The following CCNY variants were observed in gnomAD, a reference collection of about 807,000 sequenced individuals.
CCNY encodes cyclin Y.
CCNY carries 19 observed loss-of-function variants against 42.8 expected under a neutral mutation model. That is an observed-to-expected ratio of 0.44 (90% confidence interval 0.31 to 0.65). The LOEUF (loss-of-function observed/expected upper bound fraction) is 0.65, where lower values mean the gene tolerates loss of function less well. Ranked by LOEUF, CCNY falls within the 30% of genes least tolerant of loss-of-function variation. The probability of loss-of-function intolerance (pLI) is 0.07; values close to 1 mark genes in which losing one functional copy is unlikely to be tolerated. For missense variants in CCNY, 370 were observed against 437.3 expected (o/e 0.85, Z 1.37); for synonymous variants, 165 against 162.7 (o/e 1.01, Z -0.11).
chr10:35,420,932 T>G (rs1007230646), intron 1 of CCNY, among the ~76,000 whole-genome samples: 4 of 152,250 alleles, frequency 2.6e-5, no homozygotes, highest in African/African-American at 9.6e-5. Flanking sequence ...TGATTCAGAA[T>G]CATACCCTGC....
intron 3 of CCNY, among the ~76,000 whole-genome samples, chr10:35,515,442 C>G (rs563130346): frequency 6.6e-6 from 1 of 152,216 alleles, no homozygotes; most frequent in African/African-American, 2.4e-5. Context: ...CTGAGGAAAC[C>G]TTATTAAATG....
chr10:35,266,805 C>T (rs962791168), intron 3 of CCNY, among the ~76,000 whole-genome samples: 6 of 152,086 alleles, frequency 3.9e-5, no homozygotes, highest in African/African-American at 9.6e-5. Flanking sequence ...CTACTGTCGC[C>T]GGGTGCGGTG....
intron 1 of CCNY, among the ~76,000 whole-genome samples, chr10:35,419,888 C>G (rs1045890460): frequency 1.4e-5 from 2 of 148,002 alleles, no homozygotes; most frequent in African/African-American, 5.0e-5. Context: ...TCTAGGCAAA[C>G]TTTATAATTA....
intron 1 of CCNY, among the ~76,000 whole-genome samples, chr10:35,374,258 A>G (rs1201165428): frequency 6.6e-6 from 1 of 152,186 alleles, no homozygotes; most frequent in East Asian, 1.9e-4. Context: ...GAATGATACC[A>G]TGGGGTTAAT....
At chr10:35,310,418 GAT>G (rs1280659777) in intron 3 of CCNY, among the ~76,000 whole-genome samples, 1 of 152,104 alleles carries the variant, frequency 6.6e-6, no homozygotes, top group Non-Finnish European at 1.5e-5. Context: ...CTTTCTTTTG[GAT>G]ATATACTAGC....
intron 1 of CCNY, among the ~76,000 whole-genome samples, chr10:35,451,061 A>T (rs972598065): frequency 1.3e-5 from 2 of 152,246 alleles, no homozygotes; most frequent in Non-Finnish European, 2.9e-5. Context: ...TACCTTTAAA[A>T]CAAATACATT....
rs555333866 is a variant in CCNY at position 35,258,453 on chromosome 10, G to T, written c.-9+7827G>T. 3.3e-4 allele frequency among the ~76,000 whole-genome samples: 51 copies of T among 152,302 alleles called. No individual in the cohort carries two copies. In the East Asian group the frequency reaches 9.1e-3, roughly 27 times the overall value. ...AAGAAAAAATGAAGGTGGGGGAAGAGTGCTGGCCCTTCATTTCCAGAGGAG... is the reference window on the plus strand; with the variant it reads ...AAGAAAAAATGAAGGTGGGGGAAGATTGCTGGCCCTTCATTTCCAGAGGAG... On this transcript the variant is annotated intron_variant, in intron 3 of 11. Coordinates refer to the CCNY transcript ENST00000374706.
chr10:35,272,293 T>A (rs541415953), intron 3 of CCNY, among the ~76,000 whole-genome samples: 1 of 152,266 alleles, frequency 6.6e-6, no homozygotes, highest in Admixed American at 6.5e-5. Flanking sequence ...GGCCTTTTTT[T>A]TTTTTTTTAA....
chr10:35,516,961 T>G (rs1156881425), intron 4 of CCNY, among the ~76,000 whole-genome samples: 1 of 152,202 alleles, frequency 6.6e-6, no homozygotes, highest in Non-Finnish European at 1.5e-5. Flanking sequence ...ACCCTTGCAC[T>G]TTTTATTGAA....
intron 3 of CCNY, among the ~76,000 whole-genome samples, chr10:35,285,571 T>C (rs188896130): frequency 2.0e-4 from 30 of 152,222 alleles, no homozygotes; most frequent in Admixed American, 7.9e-4. Context: ...ACTACTCAGA[T>C]GTGAGCCACC....
intron 1 of CCNY, among the ~76,000 whole-genome samples, chr10:35,382,362 T>C (rs943770796): frequency 1.3e-5 from 2 of 152,218 alleles, no homozygotes; most frequent in Admixed American, 6.5e-5. Context: ...CCGGCTCCTT[T>C]GCTTGGAGCA....
chr10:35,469,430 T>C (rs1340376798), intron 1 of CCNY, among the ~76,000 whole-genome samples: 2 of 151,902 alleles, frequency 1.3e-5, no homozygotes, highest in Non-Finnish European at 2.9e-5. Context: ...AAATTAGAAA[T>C]AGGACAGCAG....
At chr10:35,352,037 C>T (rs901849746) in intron 1 of CCNY, among the ~76,000 whole-genome samples, 2 of 152,118 alleles carry the variant, frequency 1.3e-5, no homozygotes, top group African/African-American at 2.4e-5. Context: ...TATTTTAAGA[C>T]GTTTGGCATA....
intron 1 of CCNY, among the ~76,000 whole-genome samples, chr10:35,407,963 G>A (rs988242830): frequency 2.1e-4 from 32 of 152,272 alleles, no homozygotes; most frequent in Non-Finnish European, 3.4e-4. Context: ...CTGCCTTCCC[G>A]AGTCCGTGAC....
intron 1 of CCNY, among the ~76,000 whole-genome samples, chr10:35,350,757 T>C (rs1836412809): frequency 6.6e-6 from 1 of 152,202 alleles, no homozygotes; most frequent in African/African-American, 2.4e-5. Context: ...CAAGAGTCAC[T>C]TCCATTAGTC....
chr10:35,287,370 C>G (rs1040795548), intron 3 of CCNY, among the ~76,000 whole-genome samples: 1 of 152,094 alleles, frequency 6.6e-6, no homozygotes, highest in Non-Finnish European at 1.5e-5. Context: ...TATAAAGCCC[C>G]ATTTTAAGCA....
chr10:35,564,556 T>C (rs1049843853), intron 8 of CCNY, among the ~76,000 whole-genome samples: 1 of 152,160 alleles, frequency 6.6e-6, no homozygotes, highest in Non-Finnish European at 1.5e-5. Context: ...GGATGGTGCC[T>C]GCATGTGAGG....
chr10:35,403,706 T>C (rs1837695143), intron 1 of CCNY, among the ~76,000 whole-genome samples: 1 of 152,162 alleles, frequency 6.6e-6, no homozygotes, highest in Admixed American at 6.5e-5. Context: ...TCAATATAAA[T>C]ATTGACACGT....
chr10:35,514,937 A>AT (rs1394755299), intron 3 of CCNY, among the ~76,000 whole-genome samples: 1 of 152,188 alleles, frequency 6.6e-6, no homozygotes, highest in Non-Finnish European at 1.5e-5. Flanking sequence ...ACCTATGGTA[A>AT]TAGCTGTTAT....
Sources: gnomAD v4.1 joint callset for allele counts (sites outside exome capture counted in the v4.1 genomes callset) on GRCh38, gnomAD v4.1.1 for gene constraint, MANE v1.5 for transcripts, NCBI Gene and HGNC (gene_info 2026-07-23, HGNC 2026-07-21) for gene names.